The following PAK3 variants were observed in gnomAD, a reference collection of about 807,000 sequenced individuals.
PAK3 encodes the protein serine/threonine-protein kinase PAK 3.
Under a neutral mutation model 41.0 loss-of-function variants are expected in PAK3, and 4 were observed. That is an observed-to-expected ratio of 0.10 (90% CI 0.05 to 0.22). PAK3 has a LOEUF of 0.22. PAK3 is among the 10% of genes least tolerant of loss of function. The probability of loss-of-function intolerance (pLI) is 1.00; values close to 1 mark genes in which losing one functional copy is unlikely to be tolerated. For missense variants in PAK3, 205 were observed against 409.9 expected (o/e 0.50, Z 4.32); for synonymous variants, 146 against 139.6 (o/e 1.05, Z -0.32).
At position 111,089,572 on chromosome X, in the gene PAK3, T is replaced by C. The variant is rs1391937922; in HGVS notation, c.-27-33505T>C. 4.5e-5 allele frequency among the ~76,000 whole-genome samples: 5 copies of C among 111,238 alleles called. No homozygotes were observed. The Admixed American group carries it at 4.8e-4, about 11-fold the overall frequency. On this transcript the variant is annotated intron_variant, in intron 1 of 14. Transcript: ENST00000425146. ...GCCATTTGAGTAGAGTCTGGAAATA[T>C]GTGTTCAATATCATTGGGTAGGGAA...
intron 4 of PAK3, among the ~76,000 whole-genome samples, chrX:111,120,873 C>T (rs1050230422): frequency 8.0e-5 from 9 of 111,830 alleles, no homozygotes; most frequent in Non-Finnish European, 1.7e-4. Context: ...AAAGAGAAAA[C>T]TAGTGACTTG....
chrX:111,000,315 TA>T (rs1485950647), intron 1 of PAK3, among the ~76,000 whole-genome samples: 2 of 111,996 alleles, frequency 1.8e-5, no homozygotes, highest in Non-Finnish European at 3.8e-5. Context: ...AAAACAATTT[TA>T]AAAAATCCCA....
chrX:111,137,600 A>G (rs1255505453), intron 5 of PAK3, among the ~76,000 whole-genome samples: 1 of 111,732 alleles, frequency 8.9e-6, no homozygotes, highest in Non-Finnish European at 1.9e-5. Context: ...ACTGCAGAAC[A>G]TTGGGGTGGG....
intron 4 of PAK3, among the ~76,000 whole-genome samples, chrX:111,105,944 A>G (rs1298938060): frequency 8.9e-6 from 1 of 112,136 alleles, no homozygotes; most frequent in Non-Finnish European, 1.9e-5. Context: ...CACATTCAGT[A>G]CTCATACAAA....
upstream of PAK3, among the ~76,000 whole-genome samples, chrX:111,093,455 A>T (rs755247686): frequency 9.8e-5 from 11 of 111,896 alleles, no homozygotes; most frequent in East Asian, 3.1e-3. Flanking sequence ...GTTGGGTGGT[A>T]AAAATGGTGA....
At chrX:111,036,438 A>G (rs940340239) in intron 1 of PAK3, among the ~76,000 whole-genome samples, 1 of 112,476 alleles carries the variant, frequency 8.9e-6, no homozygotes, top group Non-Finnish European at 1.9e-5. Context: ...GAAACTTACA[A>G]TCATGGTGGA....
chrX:110,970,727 A>G (rs900595475), intron 1 of PAK3, among the ~76,000 whole-genome samples: 25 of 112,075 alleles, frequency 2.2e-4, no homozygotes, highest in African/African-American at 7.8e-4. Context: ...AAAAACCTGT[A>G]CGTTCTGCAA....
Position 111,192,560 on chromosome X carries a change from A to G in PAK3, c.934A>G (p.Asn312Asp). 1 of 1,166,352 alleles carries G rather than the reference A, an allele frequency of 8.6e-7. No individual in the cohort carries two copies. The part of the protein sequence containing the change: ...QQQPKKELII[N>D]EILVMRENKN... ...GCAACCCAAGAAGGAATTAATTATT[A>G]ATGAAATTCTGGTCATGAGGGAAAA... Residue 312 changes from asparagine to aspartate, a missense_variant, in exon 13 of 18, where the codon AAT (asparagine) becomes GAT (aspartate). Around this residue, in one of 5 missense-constraint regions of PAK3, gnomAD observed 42 missense variants for 152.7 expected, o/e 0.28. Coordinates refer to ENST00000372007, the MANE Select transcript of PAK3 (RefSeq NM_002578.5).
chrX:111,036,013 T>G (rs1438557644), intron 1 of PAK3, among the ~76,000 whole-genome samples: 1 of 112,386 alleles, frequency 8.9e-6, no homozygotes, highest in Non-Finnish European at 1.9e-5. Flanking sequence ...AGCCCATTCT[T>G]GTTTTCCCTA....
chrX:111,200,616 T>C (rs1468160844), intron 16 of PAK3, among the ~76,000 whole-genome samples: 1 of 112,215 alleles, frequency 8.9e-6, no homozygotes, highest in Non-Finnish European at 1.9e-5. Context: ...TACATGGGCT[T>C]TTCCTTATTG....
chrX:111,042,492 T>C (rs7065397), intron 1 of PAK3, among the ~76,000 whole-genome samples: 3,813 of 111,114 alleles, frequency 0.034, 137 homozygotes, highest in African/African-American at 0.12. Context: ...CTCTTCAGAG[T>C]TGGGGCCCTG....
chrX:111,044,199 C>A (rs1035613158), intron 1 of PAK3, among the ~76,000 whole-genome samples: 1 of 111,929 alleles, frequency 8.9e-6, no homozygotes, highest in Non-Finnish European at 1.9e-5. Context: ...CATGAAGTTA[C>A]TTGCCCAGAG....
intron 15 of PAK3, among the ~76,000 whole-genome samples, chrX:111,196,237 T>C (rs2094611595): frequency 8.9e-6 from 1 of 111,906 alleles, no homozygotes; most frequent in African/African-American, 3.2e-5. Context: ...TAGATTGAAG[T>C]CTAGTAAAAA....
At chrX:110,991,847 C>A (rs1234075822) in intron 1 of PAK3, among the ~76,000 whole-genome samples, 2 of 110,690 alleles carry the variant, frequency 1.8e-5, no homozygotes, top group Non-Finnish European at 3.8e-5. Context: ...CTACTGTGTG[C>A]TAGCCAGTGT....
chrX:111,029,960 C>T (rs1016424561), intron 1 of PAK3, among the ~76,000 whole-genome samples: 2 of 112,073 alleles, frequency 1.8e-5, no homozygotes, highest in African/African-American at 6.5e-5. Flanking sequence ...ACAAGAACAA[C>T]AGGAGGTTGG....
chrX:111,116,091 C>T (rs2093458809), intron 4 of PAK3, among the ~76,000 whole-genome samples: 1 of 110,711 alleles, frequency 9.0e-6, no homozygotes, highest in East Asian at 2.9e-4. Flanking sequence ...ACAATCGAGA[C>T]CCCCAGAGAC....
At chrX:111,158,137 CTG>C (rs1241001849) in intron 8 of PAK3, among the ~76,000 whole-genome samples, 1 of 111,608 alleles carries the variant, frequency 9.0e-6, no homozygotes, top group African/African-American at 3.3e-5. Context: ...AGGGCTTAGA[CTG>C]TTTGATTTTA....
chrX:111,117,747 C>T (rs2093491262), intron 4 of PAK3, among the ~76,000 whole-genome samples: 2 of 111,969 alleles, frequency 1.8e-5, no homozygotes, highest in African/African-American at 6.5e-5. Context: ...TATTTAATGC[C>T]TGTTGGTAAC....
intron 1 of PAK3, among the ~76,000 whole-genome samples, chrX:111,024,307 A>T (rs1414307665): frequency 3.6e-5 from 4 of 111,469 alleles, no homozygotes; most frequent in Non-Finnish European, 7.5e-5. Context: ...CTTGTAGTAT[A>T]GTTTGAAGTA....
Sources: gnomAD v4.1 joint callset for allele counts (sites outside exome capture counted in the v4.1 genomes callset) on GRCh38, gnomAD v4.1.1 for gene constraint, gnomAD v4.1.1 regional missense constraint, MANE v1.5 for transcripts, NCBI Gene and HGNC (gene_info 2026-07-23, HGNC 2026-07-21) for gene names.